TUBE1: variants seen among roughly 807,000 people sequenced by gnomAD.
The protein encoded by TUBE1 is tubulin epsilon chain.
TUBE1 carries 34 observed loss-of-function variants against 53.5 expected under a neutral mutation model. The ratio of observed to expected loss-of-function variants is 0.64; its 90% CI spans 0.48 to 0.85. The LOEUF is 0.85. Ranked by LOEUF, TUBE1 falls within the 40% of genes least tolerant of loss-of-function variation. TUBE1 has a pLI of 0.00. For missense variants in TUBE1, 532 were observed against 570.5 expected (o/e 0.93, Z 0.69); for synonymous variants, 177 against 198.4 (o/e 0.89, Z 0.91).
In TUBE1 at chr6:112,076,630, A is replaced by C. The variant is rs190933358; in HGVS notation, c.449-121T>G. The stretch of plus-strand genomic sequence containing the variant: ...TCTGTCACCCAGGCTGGAGTGCAGC[A>C]GCATAATCAGCTCAATGCAGCCTTG... On this transcript the variant is annotated intron_variant, in intron 6 of 11. Coordinates refer to ENST00000368662, the MANE Select transcript of TUBE1 (RefSeq NM_016262.5). 8.2e-5 allele frequency: 65 copies of C among 791,484 alleles called. 1 individual carries two copies. In the Admixed American group the frequency reaches 1.9e-3, roughly 23 times the overall value. The allele number at this position is 791,484 out of a possible 1,614,324, so 49.0% of individuals were successfully genotyped here. A position where few individuals can be genotyped will look rare whatever the true frequency, so the allele number is the denominator to read the frequency against.
At chr6:112,071,843 G>T (rs922441860) in intron 11 of TUBE1, 59 bp downstream of exon 11, 3 of 1,474,356 alleles carry the variant, frequency 2.0e-6, no homozygotes, top group Middle Eastern at 5.1e-4. Flanking sequence ...TAATTTTTAA[G>T]AATACATCTT....
In TUBE1 at chr6:112,084,067, A is replaced by G. The variant is rs1013319630; in HGVS notation, c.210+122T>C. 3.9e-5 allele frequency: 29 copies of G among 738,624 alleles called. No individual in the cohort carries two copies. The African/African-American group carries it at 5.2e-4, about 13-fold the overall frequency. 45.8% of individuals were successfully genotyped at this position (738,624 alleles called of 1,614,324 possible). On this transcript the variant is annotated intron_variant, in intron 4 of 11. Coordinates refer to ENST00000368662, the MANE Select transcript of TUBE1 (RefSeq NM_016262.5). ...ATGTCTGCTTAGTTATATTTATATT[A>G]AATGTGGCTTAGTAATTTTTTTCTA... is the stretch of plus-strand genomic sequence containing the variant.
chr6:112,083,352 G>A (rs891598146), intron 4 of TUBE1, among the ~76,000 whole-genome samples: 3 of 138,678 alleles, frequency 2.2e-5, no homozygotes, highest in East Asian at 2.1e-4. Flanking sequence ...ACGGAGTCCC[G>A]CTGTCGCCCA....
Position 112,079,649 on chromosome 6 carries a change from T to C in TUBE1, c.432A>G (p.Ile144Met), listed in dbSNP as rs781860498. Reference sequence around the variant, plus strand: ...AAATTTTACCTCCTCCCATGGAATGTATTATAAAGAAACACTGCAAGCAAT... The same window carrying C: ...AAATTTTACCTCCTCCCATGGAATGCATTATAAAGAAACACTGCAAGCAAT... ...HCDCLQCFFI[I>M]HSMGGGTGSG... The change falls in exon 6 of 12, where the codon ATA becomes ATG. Residue 144 changes from isoleucine to methionine, a missense_variant. Coordinates refer to ENST00000368662, the MANE Select transcript of TUBE1 (RefSeq NM_016262.5). 2 of 1,612,374 alleles carry C rather than the reference T, an allele frequency of 1.2e-6. No individual in the cohort carries two copies. The highest frequency in any genetic ancestry group is 2.2e-5 in the South Asian group (2 of 90,794).
Position 112,072,077 on chromosome 6 carries a change from C to A in TUBE1, c.1095-1G>T. 1 of 1,573,086 alleles carries A rather than the reference C, an allele frequency of 6.4e-7. No homozygotes were observed. Among genetic ancestry groups the A allele is most frequent in the Admixed American group, 2.1e-5 (1 of 48,656 alleles). ...GACAAATTGTAGAGATGGTTTTAAT[C>A]TGAGATTAAAAAAAAAAATCTCAGA... On this transcript the variant is annotated splice_acceptor_variant, in intron 10 of 11. Transcript: ENST00000368662. LOFTEE classifies it high-confidence loss of function.
At position 112,076,083 on chromosome 6, in the gene TUBE1, G is replaced by A. The variant is rs140135983; in HGVS notation, c.666C>T (p.Asp222=). The A allele has an allele frequency of 1.9e-6, 3 of 1,612,598 alleles. No individual in the cohort carries two copies. In the African/African-American group the frequency reaches 4.0e-5, roughly 22 times the overall value. The change falls in exon 8 of 12, where the codon GAC becomes GAT. Residue 222 remains aspartate, a synonymous_variant. Coordinates refer to ENST00000368662, the MANE Select transcript of TUBE1 (RefSeq NM_016262.5). ...CCAACTTTCCAGAATTCACCATGAG[G>A]TCGATTTTGCTAATGATGTCAAATA... is the stretch of plus-strand genomic sequence containing the variant. ...QSLFDIISKI[D]LMVNSGKLGT... is the part of the protein sequence containing the mutation.
chr6:112,081,144 C>T lies in TUBE1; in HGVS notation c.274G>A (p.Val92Ile). The T allele has an allele frequency of 1.1e-5, 18 of 1,610,242 alleles. No homozygotes were observed. The highest frequency in any genetic ancestry group is 1.5e-5 in the Non-Finnish European group (18 of 1,178,282). The change falls in exon 5 of 12, where the codon GTA (valine) becomes ATA (isoleucine). Residue 92 changes from valine (V) to isoleucine (I), a missense_variant. Transcript: ENST00000368662. ...NEILQGPLRD[V>I]FDTKQLITDI... ...GTGATGAGCTGTTTCGTATCAAATA[C>T]ATCTCTCAGTGGTCCCTGCAGAATT...
chr6:112,085,886 AT>A (rs1777145759), intron 3 of TUBE1: 1 of 312,212 alleles, frequency 3.2e-6, no homozygotes, highest in Non-Finnish European at 6.4e-6. Flanking sequence ...AGACTCTGGA[AT>A]TCACCCAGGA....
At position 112,081,950 on chromosome 6, in the gene TUBE1, T is replaced by A. The variant is rs79097563; in HGVS notation, c.211-743A>T. On this transcript the variant is annotated intron_variant, in intron 4 of 11. Transcript: ENST00000368662. ...GAGGAAGAAGAGTAAAAAAGTAAACTAAGTAGAGTTAAATAAAAAAAGCAA... is the reference window on the plus strand; with the variant it reads ...GAGGAAGAAGAGTAAAAAAGTAAACAAAGTAGAGTTAAATAAAAAAAGCAA... 3.3e-3 allele frequency among the ~76,000 whole-genome samples: 504 copies of A among 152,096 alleles called. 16 individuals are homozygous for A. In the East Asian group the frequency reaches 0.051, roughly 15 times the overall value.
chr6:112,087,226 C>T lies in TUBE1; in HGVS notation c.99+7G>A, dbSNP rs782064296. The T allele has an allele frequency of 1.3e-6, 2 of 1,549,364 alleles. No homozygotes were observed. The highest frequency in any genetic ancestry group is 1.4e-5 in the African/African-American group (1 of 73,016). On this transcript the variant is annotated splice_region_variant and intron_variant, in intron 2 of 11. Transcript: ENST00000368662. ...AGGCGAGGGGGCTCGCGGCGGCGGGCGGGTACCTGGTTGACCGCGGCGTGC... is the reference window on the plus strand; with the variant it reads ...AGGCGAGGGGGCTCGCGGCGGCGGGTGGGTACCTGGTTGACCGCGGCGTGC...
chr6:112,083,741 G>C (rs1777107153), intron 4 of TUBE1, among the ~76,000 whole-genome samples: 1 of 152,210 alleles, frequency 6.6e-6, no homozygotes, highest in Non-Finnish European at 1.5e-5. Flanking sequence ...CTGTAAATAA[G>C]ACTGTAAATA....
intron 5 of TUBE1, among the ~76,000 whole-genome samples, chr6:112,080,441 A>AAGTC (rs1777052323): frequency 6.6e-6 from 1 of 152,114 alleles, no homozygotes; most frequent in South Asian, 2.1e-4. Context: ...CTCACTTACT[A>AAGTC]AGTGACTGGT....
intron 7 of TUBE1, 34 bp downstream of exon 7, chr6:112,076,288 A>C: frequency 6.6e-7 from 1 of 1,523,866 alleles, no homozygotes; most frequent in Non-Finnish European, 8.8e-7. Context: ...AATATATATA[A>C]CATTTATTCA....
At chr6:112,086,384 C>T (rs1777156573) in intron 3 of TUBE1, among the ~76,000 whole-genome samples, 172 bp downstream of exon 3, 1 of 152,024 alleles carries the variant, frequency 6.6e-6, no homozygotes. Context: ...TTGTCTTCTT[C>T]GGGAAAATGA....
chr6:112,079,724 A>G lies in TUBE1; in HGVS notation c.357T>C (p.Leu119=), dbSNP rs587756448. The G allele has an allele frequency of 3.4e-5, 54 of 1,611,162 alleles. No individual in the cohort carries two copies. In the South Asian group the frequency reaches 5.3e-4, roughly 16 times the overall value. ...WAVGHKVFGS[L]YQDQILEKFR... ...ATTTCTCTAAAATCTGGTCTTGGTA[A>G]AGACTGCCGAAAACTTTGTGACCCA... Residue 119 remains leucine (L), a synonymous_variant, in exon 6 of 12, where the codon CTT becomes CTC. Coordinates refer to ENST00000368662, the MANE Select transcript of TUBE1 (RefSeq NM_016262.5).
chr6:112,073,692 T>G (rs1427754898), intron 9 of TUBE1, among the ~76,000 whole-genome samples: 3 of 152,212 alleles, frequency 2.0e-5, no homozygotes, highest in Non-Finnish European at 4.4e-5. Context: ...CTTGTGACAT[T>G]CCTGAAGTAT....
rs192186087 is a variant in TUBE1 at position 112,077,381 on chromosome 6, G to C, written c.449-872C>G. 3.3e-3 allele frequency: 495 copies of C among 152,168 alleles called. 4 individuals carry two copies. The highest frequency in any genetic ancestry group is 9.7e-3 in the African/African-American group (401 of 41,542). The allele number at this position is 152,168 out of a possible 1,614,324, so 9.4% of individuals were successfully genotyped here. A position where few individuals can be genotyped will look rare whatever the true frequency, so the allele number is the denominator to read the frequency against. On this transcript the variant is annotated intron_variant, in intron 6 of 11. Coordinates refer to ENST00000368662, the MANE Select transcript of TUBE1 (RefSeq NM_016262.5). ...TTTACATAAATTCAGAAATTTTTCAGAACTTAAAACTGGAATCCTCTAATC... is the reference window on the plus strand; with the variant it reads ...TTTACATAAATTCAGAAATTTTTCACAACTTAAAACTGGAATCCTCTAATC...
In TUBE1 at chr6:112,084,142, A is replaced by G. The variant is rs587752843; in HGVS notation, c.210+47T>C. On this transcript the variant is annotated intron_variant, in intron 4 of 11. Transcript: ENST00000368662. ...CTCATGATAGTTACTGAGAATAGTT[A>G]TTTAAAAAATACATGTAATATAAGA... 656 of 1,427,814 alleles carry G rather than the reference A, an allele frequency of 4.6e-4. 1 individual carries two copies. Among genetic ancestry groups the G allele is most frequent in the Non-Finnish European group, 6.1e-4 (621 of 1,018,256 alleles). The allele number at this position is 1,427,814 out of a possible 1,614,324, so 88.4% of individuals were successfully genotyped here.
rs782582068 is a variant in TUBE1, at chr6:112,076,434, G to A, written c.524C>T (p.Thr175Ile). ...DEFPEVYRFV[T>I]SIYPSGEDDV... ...ATCCTCACCAGAAGGATAAATGGAA[G>A]TCACAAATCTGTATACTTCTGGGAA... The change falls in exon 7 of 12, where the codon ACT (threonine) becomes ATT (isoleucine). Residue 175 changes from threonine to isoleucine, a missense_variant. Coordinates refer to ENST00000368662, the MANE Select transcript of TUBE1 (RefSeq NM_016262.5). 1 of 1,613,544 alleles carries A rather than the reference G, an allele frequency of 6.2e-7. No individual in the cohort carries two copies. Among genetic ancestry groups the A allele is most frequent in the Non-Finnish European group, 8.5e-7 (1 of 1,179,738 alleles).
Sources: allele counts gnomAD v4.1 joint callset (sites outside exome capture counted in the v4.1 genomes callset), GRCh38; gene constraint gnomAD v4.1.1; transcripts MANE v1.5; gene names NCBI Gene and HGNC (gene_info 2026-07-23, HGNC 2026-07-21).